FHIT: variants seen among roughly 807,000 people sequenced by gnomAD.
FHIT encodes the protein fragile histidine triad diadenosine triphosphatase.
FHIT carries 19 observed loss-of-function variants against 17.9 expected under a neutral mutation model. That is an observed-to-expected ratio of 1.06 (90% CI 0.74 to 1.56). The LOEUF (loss-of-function observed/expected upper bound fraction) is 1.56, where lower values mean the gene tolerates loss of function less well. Among genes scored for constraint, FHIT ranks in the 40% most tolerant of loss-of-function variants. The pLI, the probability that FHIT is intolerant of heterozygous loss-of-function variation, is 0.00. For missense variants in FHIT, 248 were observed against 189.2 expected (o/e 1.31, Z -1.82); for synonymous variants, 81 against 69.7 (o/e 1.16, Z -0.81).
At chr3:60,961,958 C>G (rs1553781096) in intron 3 of FHIT, among the ~76,000 whole-genome samples, 1 of 152,152 alleles carries the variant, frequency 6.6e-6, no homozygotes, top group Non-Finnish European at 1.5e-5. Context: ...TTTTCCAATT[C>G]TGTGAAGGAA....
At chr3:60,448,194 TA>T (rs1360362523) in intron 5 of FHIT, among the ~76,000 whole-genome samples, 1 of 152,158 alleles carries the variant, frequency 6.6e-6, no homozygotes, top group East Asian at 1.9e-4. Flanking sequence ...AACATGCTTT[TA>T]TCCCAGGGTG....
intron 3 of FHIT, among the ~76,000 whole-genome samples, chr3:60,842,664 T>TTTTTTTTTTTC: frequency 7.3e-6 from 1 of 136,870 alleles, no homozygotes; most frequent in Non-Finnish European, 1.6e-5. Flanking sequence ...TTTTTTTTTT[T>TTTTTTTTTTTC]CCCTTGCTAG....
intron 5 of FHIT, among the ~76,000 whole-genome samples, chr3:60,519,181 T>C (rs937196148): frequency 7.9e-5 from 12 of 152,186 alleles, no homozygotes; most frequent in Admixed American, 2.0e-4. Flanking sequence ...AATAAGATTA[T>C]AGATGGTTTT....
chr3:60,999,483 G>T (rs145605777), intron 3 of FHIT, among the ~76,000 whole-genome samples: 1 of 149,988 alleles, frequency 6.7e-6, no homozygotes, highest in African/African-American at 2.5e-5. Flanking sequence ...TTACTATCTA[G>T]TATGGTCATC....
At chr3:60,003,195 C>T (rs1031541226) in intron 7 of FHIT, among the ~76,000 whole-genome samples, 4 of 152,108 alleles carry the variant, frequency 2.6e-5, no homozygotes, top group African/African-American at 9.7e-5. Flanking sequence ...AATTCACATC[C>T]CACATTGCAC....
intron 5 of FHIT, among the ~76,000 whole-genome samples, chr3:60,036,387 G>T (rs977749023): frequency 3.3e-5 from 5 of 152,128 alleles, no homozygotes; most frequent in African/African-American, 7.2e-5. Context: ...TGAGAACCGT[G>T]TCTCTATTGG....
chr3:60,728,170 A>G (rs1332673583), intron 4 of FHIT, among the ~76,000 whole-genome samples: 1 of 152,236 alleles, frequency 6.6e-6, no homozygotes, highest in African/African-American at 2.4e-5. Context: ...TGGTTGTGCT[A>G]TCAACTATGT....
chr3:60,176,521 T>C (rs1701678549), intron 5 of FHIT, among the ~76,000 whole-genome samples: 1 of 152,172 alleles, frequency 6.6e-6, no homozygotes, highest in South Asian at 2.1e-4. Flanking sequence ...GGCATACTTC[T>C]CAAACTTTAA....
chr3:60,694,611 A>G (rs1553700184), intron 4 of FHIT, among the ~76,000 whole-genome samples: 1 of 152,210 alleles, frequency 6.6e-6, no homozygotes, highest in Non-Finnish European at 1.5e-5. Flanking sequence ...AGACACATGC[A>G]CACATATGTT....
chr3:60,913,595 T>C (rs1448532697), intron 3 of FHIT, among the ~76,000 whole-genome samples: 12 of 152,222 alleles, frequency 7.9e-5, no homozygotes, highest in Non-Finnish European at 1.5e-5. Context: ...TACAACTTAA[T>C]AAACCACCCC....
At chr3:59,946,754 C>T (rs774371360) in intron 7 of FHIT, among the ~76,000 whole-genome samples, 1 of 152,192 alleles carries the variant, frequency 6.6e-6, no homozygotes, top group Non-Finnish European at 1.5e-5. Flanking sequence ...GGCTTTTCTA[C>T]ATCTATTGAG....
At chr3:60,295,133 C>T (rs988532089) in intron 5 of FHIT, among the ~76,000 whole-genome samples, 2 of 151,992 alleles carry the variant, frequency 1.3e-5, no homozygotes, top group African/African-American at 2.4e-5. Context: ...GCCTGTAGTC[C>T]CAGCTACTCA....
At chr3:61,096,180 G>A (rs1448716687) in intron 2 of FHIT, among the ~76,000 whole-genome samples, 1 of 152,192 alleles carries the variant, frequency 6.6e-6, no homozygotes, top group Non-Finnish European at 1.5e-5. Flanking sequence ...CCTAAATGAT[G>A]CTGTGCAAGG....
chr3:59,919,059 AG>A (rs1274546505), intron 8 of FHIT, among the ~76,000 whole-genome samples: 2 of 152,182 alleles, frequency 1.3e-5, no homozygotes, highest in Non-Finnish European at 2.9e-5. Flanking sequence ...TTCACTAGGC[AG>A]TCACCCAAAC....
intron 5 of FHIT, among the ~76,000 whole-genome samples, chr3:60,189,662 A>T (rs1192400930): frequency 2.0e-5 from 3 of 152,176 alleles, no homozygotes; most frequent in Non-Finnish European, 4.4e-5. Context: ...AATTCACTAG[A>T]ATTTGGTCGG....
intron 4 of FHIT, among the ~76,000 whole-genome samples, chr3:60,776,044 G>T (rs1248049056): frequency 6.6e-6 from 1 of 151,674 alleles, no homozygotes; most frequent in Non-Finnish European, 1.5e-5. Flanking sequence ...TTTTCTTTTA[G>T]AAGATGTTGT....
intron 4 of FHIT, among the ~76,000 whole-genome samples, chr3:60,713,228 A>G (rs1553705656): frequency 6.6e-6 from 1 of 150,834 alleles, no homozygotes; most frequent in Non-Finnish European, 1.5e-5. Context: ...TTTGAAACCA[A>G]CGAGAACAAA....
intron 8 of FHIT, among the ~76,000 whole-genome samples, chr3:59,788,881 G>GTTTTTTTTTTTTTGTT (rs60361063): frequency 1.2e-5 from 1 of 86,804 alleles, no homozygotes. Flanking sequence ...GAGTTCATAT[G>GTTTTTTTTTTTTTGTT]TTTTTTTTTT....
At chr3:59,803,450 C>T (rs9846213) in intron 8 of FHIT, among the ~76,000 whole-genome samples, 92,240 of 152,084 alleles carry the variant, frequency 0.61, 30,686 homozygotes, top group Middle Eastern at 0.77. Flanking sequence ...CCAGCTCCTG[C>T]TGCATTAACG....
Sources: gnomAD v4.1 joint callset for allele counts (sites outside exome capture counted in the v4.1 genomes callset) on GRCh38, gnomAD v4.1.1 for gene constraint, MANE v1.5 for transcripts, NCBI Gene and HGNC (gene_info 2026-07-23, HGNC 2026-07-21) for gene names.